The following ARHGAP10 variants were observed in gnomAD, a reference collection of about 807,000 sequenced individuals.
The protein encoded by ARHGAP10 is rho GTPase-activating protein 10.
In ARHGAP10, 87 loss-of-function variants were observed where a neutral mutation model predicts 108.6. That is an observed-to-expected ratio of 0.80 (90% CI 0.67 to 0.96). The LOEUF (loss-of-function observed/expected upper bound fraction) is 0.96, where lower values mean the gene tolerates loss of function less well. Ranked by LOEUF, ARHGAP10 falls within the 40% of genes least tolerant of loss-of-function variation. The pLI is 0.00. For missense variants in ARHGAP10, 939 were observed against 954.5 expected (o/e 0.98, Z 0.21); for synonymous variants, 347 against 341.1 (o/e 1.02, Z -0.19).
chr4:147,858,354 T>C (rs1280912241), intron 5 of ARHGAP10: 1 of 152,002 alleles, frequency 6.6e-6, no homozygotes, highest in Non-Finnish European at 1.5e-5. Context: ...TTTTTTTTTC[T>C]TGTTTTTTTA....
intron 4 of ARHGAP10, among the ~76,000 whole-genome samples, chr4:147,856,469 A>G (rs542579824): frequency 6.6e-6 from 1 of 152,346 alleles, no homozygotes; most frequent in African/African-American, 2.4e-5. Flanking sequence ...ATATGCTCCA[A>G]AATTTGAAAT....
At chr4:148,017,653 T>TAC (rs1741396398) in intron 18 of ARHGAP10, among the ~76,000 whole-genome samples, 2 of 41,496 alleles carry the variant, frequency 4.8e-5, no homozygotes, top group African/African-American at 3.4e-4. Flanking sequence ...AGCCAGTAAC[T>TAC]ATATATATAT....
chr4:147,834,048 G>A (rs2126800880), intron 3 of ARHGAP10, among the ~76,000 whole-genome samples: 1 of 152,314 alleles, frequency 6.6e-6, no homozygotes. Flanking sequence ...CCTGCAACTA[G>A]GTAAATAAAA....
At position 147,759,626 on chromosome 4, in the gene ARHGAP10, A is replaced by G. The variant is rs185255759; in HGVS notation, c.154+27171A>G. Among the ~76,000 whole-genome samples the G allele has an allele frequency of 4.1e-3, 610 of 147,430 alleles. 6 individuals are homozygous for G. The highest frequency in any genetic ancestry group is 0.014 in the African/African-American group (560 of 40,446). On this transcript the variant is annotated intron_variant, in intron 1 of 22. Transcript: ENST00000336498. ...GGAAACAGGTGACATTAATTTTAAT[A>G]TTTTACTTAATCTGGCGTATCCAAA...
At chr4:148,013,272 T>C (rs186316395) in intron 18 of ARHGAP10, among the ~76,000 whole-genome samples, 12 of 152,360 alleles carry the variant, frequency 7.9e-5, no homozygotes, top group East Asian at 5.8e-4. Context: ...AAGTCATTCC[T>C]GTAAACGTGT....
chr4:147,866,901 G>A, intron 7 of ARHGAP10, 85 bp downstream of exon 7: 2 of 1,157,414 alleles, frequency 1.7e-6, no homozygotes, highest in East Asian at 5.0e-5. Flanking sequence ...TTAATTAAAT[G>A]AAGACAATGC....
intron 16 of ARHGAP10, among the ~76,000 whole-genome samples, chr4:147,956,557 T>C (rs1305535402): frequency 6.6e-6 from 1 of 152,158 alleles, no homozygotes; most frequent in Non-Finnish European, 1.5e-5. Context: ...AGTAAATGCT[T>C]AGTTGTTTTG....
chr4:148,052,211 T>C (rs1729169614), intron 20 of ARHGAP10, among the ~76,000 whole-genome samples: 1 of 152,018 alleles, frequency 6.6e-6, no homozygotes, highest in Admixed American at 6.6e-5. Context: ...ACTTCCTCCT[T>C]TCCTCTCTCT....
chr4:147,820,754 C>T (rs1732462380), intron 1 of ARHGAP10, among the ~76,000 whole-genome samples: 1 of 151,878 alleles, frequency 6.6e-6, no homozygotes, highest in Non-Finnish European at 1.5e-5. Context: ...CCATGTCCAG[C>T]TAATTTTTGT....
chr4:147,761,202 A>C (rs1477361748), intron 1 of ARHGAP10, among the ~76,000 whole-genome samples: 1 of 151,844 alleles, frequency 6.6e-6, no homozygotes, highest in African/African-American at 2.4e-5. Flanking sequence ...TTTTTTGTAG[A>C]GACAGGGTCT....
chr4:147,863,892 C>T (rs188908322), intron 5 of ARHGAP10: 2 of 152,202 alleles, frequency 1.3e-5, no homozygotes, highest in Admixed American at 6.5e-5. Flanking sequence ...TTCTTGACAT[C>T]CTCACCAACA....
chr4:148,061,626 A>T (rs1319330600), intron 20 of ARHGAP10, among the ~76,000 whole-genome samples: 1 of 151,264 alleles, frequency 6.6e-6, no homozygotes, highest in African/African-American at 2.4e-5. Context: ...TTTTTTTTTT[A>T]AATGACCCCC....
At chr4:147,785,970 A>G (rs1730875591) in intron 1 of ARHGAP10, among the ~76,000 whole-genome samples, 1 of 152,110 alleles carries the variant, frequency 6.6e-6, no homozygotes, top group South Asian at 2.1e-4. Flanking sequence ...AACTCCTTTT[A>G]CAGGTCAAAC....
intron 20 of ARHGAP10, among the ~76,000 whole-genome samples, chr4:148,053,926 G>A (rs1364646494): frequency 6.6e-6 from 1 of 152,120 alleles, no homozygotes; most frequent in Non-Finnish European, 1.5e-5. Context: ...TCAGAATGTT[G>A]ATAGTCCATG....
intron 1 of ARHGAP10, among the ~76,000 whole-genome samples, chr4:147,742,786 A>G (rs979065207): frequency 2.0e-5 from 3 of 151,850 alleles, no homozygotes; most frequent in African/African-American, 7.3e-5. Context: ...TGCCCAGCGC[A>G]TGTTTTTTTC....
chr4:147,845,282 A>G (rs1348162615), intron 3 of ARHGAP10, among the ~76,000 whole-genome samples: 1 of 152,190 alleles, frequency 6.6e-6, no homozygotes, highest in Non-Finnish European at 1.5e-5. Context: ...CTTCATTGGA[A>G]GGAATTACTA....
intron 14 of ARHGAP10, among the ~76,000 whole-genome samples, chr4:147,943,245 T>TA (rs1738228143): frequency 6.6e-6 from 1 of 152,190 alleles, no homozygotes; most frequent in African/African-American, 2.4e-5. Context: ...GCTCAGTGGT[T>TA]AATTCTAAAT....
intron 10 of ARHGAP10, among the ~76,000 whole-genome samples, chr4:147,894,880 TTGTC>T (rs1735924655): frequency 2.6e-5 from 4 of 152,324 alleles, no homozygotes; most frequent in Admixed American, 2.6e-4. Context: ...TTGCATCTCT[TTGTC>T]TGTTCTTTTG....
chr4:147,983,836 T>C (rs1739925154), intron 18 of ARHGAP10, among the ~76,000 whole-genome samples: 1 of 152,200 alleles, frequency 6.6e-6, no homozygotes, highest in Non-Finnish European at 1.5e-5. Context: ...GCTGGGGAGT[T>C]AGTGGGATCC....
Sources: allele counts gnomAD v4.1 joint callset (sites outside exome capture counted in the v4.1 genomes callset), GRCh38; gene constraint gnomAD v4.1.1; transcripts MANE v1.5; gene names NCBI Gene and HGNC (gene_info 2026-07-23, HGNC 2026-07-21).